CPED1: variants seen among roughly 807,000 people sequenced by gnomAD.
The protein encoded by CPED1 is cadherin-like and PC-esterase domain-containing protein 1.
Under a neutral mutation model 128.2 loss-of-function variants are expected in CPED1, and 114 were observed. The ratio of observed to expected loss-of-function variants is 0.89; its 90% CI spans 0.76 to 1.04. The LOEUF is 1.04. Ranked by LOEUF, CPED1 falls within the 50% of genes least tolerant of loss-of-function variation. The pLI is 0.00. For missense variants in CPED1, 1,211 were observed against 1,207.1 expected, an observed-to-expected ratio of 1.00 and a Z score of -0.05; for synonymous variants, 462 against 426.7, an observed-to-expected ratio of 1.08 and a Z score of -1.02.
At chr7:121,056,583 A>G (rs1006649102) in intron 4 of CPED1, among the ~76,000 whole-genome samples, 22 of 152,332 alleles carry the variant, frequency 1.4e-4, no homozygotes, top group Non-Finnish European at 2.6e-4. Flanking sequence ...ATAAAACTTT[A>G]GCTAAAATAG....
chr7:121,110,349 A>G (rs1045338631), intron 7 of CPED1, among the ~76,000 whole-genome samples: 2 of 152,222 alleles, frequency 1.3e-5, no homozygotes, highest in African/African-American at 2.4e-5. Context: ...AATTATACAC[A>G]TATAAAGAAA....
intron 3 of CPED1, among the ~76,000 whole-genome samples, chr7:121,027,316 C>T (rs1792616868): frequency 6.6e-6 from 1 of 151,920 alleles, no homozygotes; most frequent in Admixed American, 6.6e-5. Context: ...TCTTATCTCC[C>T]CTTTTGTATT....
At position 121,265,281 on chromosome 7, in the gene CPED1, C is replaced by T. The variant is rs190857615; in HGVS notation, c.2311-946C>T. ...GGAGTTAAAGTACGTGGGTTTGAATCCTGGGTTCTCCATTTAGTAGATTTA... is the reference window on the plus strand; with the variant it reads ...GGAGTTAAAGTACGTGGGTTTGAATTCTGGGTTCTCCATTTAGTAGATTTA... On this transcript the variant is annotated intron_variant, in intron 18 of 22. Transcript: ENST00000310396. Among the ~76,000 whole-genome samples the T allele has an allele frequency of 4.6e-5, 7 of 152,132 alleles. No homozygotes were observed. In the East Asian group the frequency reaches 1.4e-3, roughly 30 times the overall value.
chr7:121,251,336 A>C (rs1798667640), intron 18 of CPED1, among the ~76,000 whole-genome samples: 2 of 152,200 alleles, frequency 1.3e-5, no homozygotes, highest in African/African-American at 4.8e-5. Context: ...ACAGCTATCT[A>C]TGACAAACCC....
intron 3 of CPED1, among the ~76,000 whole-genome samples, chr7:121,038,169 C>T (rs1001381616): frequency 1.3e-5 from 2 of 151,754 alleles, no homozygotes; most frequent in African/African-American, 4.9e-5. Context: ...ACTTCCAGTA[C>T]TATATTGAAT....
chr7:121,095,081 G>C (rs1794669069), intron 5 of CPED1, among the ~76,000 whole-genome samples: 2 of 152,172 alleles, frequency 1.3e-5, no homozygotes, highest in Admixed American at 6.6e-5. Flanking sequence ...ACAAGTATAT[G>C]TTAATGAACT....
At chr7:121,238,472 C>T (rs777658007) in intron 17 of CPED1, among the ~76,000 whole-genome samples, 7 of 152,084 alleles carry the variant, frequency 4.6e-5, no homozygotes, top group South Asian at 4.1e-4. Flanking sequence ...AAGTCCTCTC[C>T]GGGAAGCCTT....
rs536241423 is a variant in CPED1 at position 121,122,076 on chromosome 7, G to C, written c.919-2255G>C. On this transcript the variant is annotated intron_variant, in intron 7 of 22. Coordinates refer to ENST00000310396, the MANE Select transcript of CPED1 (RefSeq NM_024913.5). ...TCGCGTGATTCTACTTTAATTTCTAGCATATGTAGTTTGCTTGCCACTATA... is the reference window on the plus strand; with the variant it reads ...TCGCGTGATTCTACTTTAATTTCTACCATATGTAGTTTGCTTGCCACTATA... Among the ~76,000 whole-genome samples the C allele has an allele frequency of 5.3e-5, 8 of 151,534 alleles. No individual in the cohort carries two copies. In the South Asian group the frequency reaches 1.7e-3, roughly 32 times the overall value.
intron 16 of CPED1, among the ~76,000 whole-genome samples, chr7:121,155,969 C>T (rs952137283): frequency 7.9e-5 from 12 of 152,034 alleles, no homozygotes; most frequent in Admixed American, 2.0e-4. Flanking sequence ...GATTCAATAA[C>T]TAAAATATGT....
At chr7:121,070,625 T>C (rs1793960039) in intron 5 of CPED1, among the ~76,000 whole-genome samples, 1 of 152,188 alleles carries the variant, frequency 6.6e-6, no homozygotes, top group African/African-American at 2.4e-5. Context: ...AATGAATTTC[T>C]AATTGGTAGA....
chr7:121,050,923 G>T, intron 4 of CPED1: 1 of 488,602 alleles, frequency 2.0e-6, no homozygotes, highest in South Asian at 1.5e-5. Context: ...CCAAGAAGAA[G>T]GTCATGAAGG....
At chr7:121,238,225 A>G (rs534713989) in intron 17 of CPED1, among the ~76,000 whole-genome samples, 3 of 152,232 alleles carry the variant, frequency 2.0e-5, no homozygotes, top group Admixed American at 6.5e-5. Context: ...TCTGGTACTT[A>G]AGGAGCTAGG....
At chr7:121,140,466 C>A (rs1795875756) in intron 14 of CPED1, among the ~76,000 whole-genome samples, 1 of 152,038 alleles carries the variant, frequency 6.6e-6, no homozygotes, top group Admixed American at 6.6e-5. Flanking sequence ...AGCCATCACT[C>A]CCACTTACAT....
chr7:121,228,393 A>G (rs1275469804), intron 16 of CPED1, among the ~76,000 whole-genome samples: 1 of 151,970 alleles, frequency 6.6e-6, no homozygotes, highest in Non-Finnish European at 1.5e-5. Flanking sequence ...AAAATGCTCG[A>G]TATCACTAAT....
At chr7:121,014,147 G>A (rs1427623778) in intron 2 of CPED1, among the ~76,000 whole-genome samples, 4 of 152,222 alleles carry the variant, frequency 2.6e-5, no homozygotes, top group East Asian at 1.9e-4. Context: ...GAATAGTGAT[G>A]TATAAAGGAG....
chr7:121,188,736 T>A (rs918674080), intron 16 of CPED1, among the ~76,000 whole-genome samples: 2 of 151,810 alleles, frequency 1.3e-5, no homozygotes, highest in Non-Finnish European at 2.9e-5. Flanking sequence ...CAAGAAGGAA[T>A]GGGAGTAGTG....
At chr7:121,096,770 T>G (rs1479128637) in intron 5 of CPED1, among the ~76,000 whole-genome samples, 2 of 152,124 alleles carry the variant, frequency 1.3e-5, no homozygotes, top group Non-Finnish European at 2.9e-5. Flanking sequence ...ATGAAATAAC[T>G]CTGAATATGC....
At chr7:121,177,330 A>G (rs184135760) in intron 16 of CPED1, among the ~76,000 whole-genome samples, 1 of 152,086 alleles carries the variant, frequency 6.6e-6, no homozygotes, top group East Asian at 1.9e-4. Context: ...TCGAGCTCAT[A>G]GAAAGTGCTT....
chr7:121,142,171 T>A, intron 16 of CPED1, 30 bp downstream of exon 16: 1 of 1,561,800 alleles, frequency 6.4e-7, no homozygotes, highest in Non-Finnish European at 8.8e-7. Context: ...GCACTTGGGT[T>A]GAATTGGGAA....
Sources: allele counts gnomAD v4.1 joint callset (sites outside exome capture counted in the v4.1 genomes callset), GRCh38; gene constraint gnomAD v4.1.1; transcripts MANE v1.5; gene names NCBI Gene and HGNC (gene_info 2026-07-23, HGNC 2026-07-21).